The following PLXNA2 variants were observed in gnomAD, a reference collection of about 807,000 sequenced individuals.
PLXNA2 encodes plexin-A2.
PLXNA2 carries 91 observed loss-of-function variants against 193.5 expected under a neutral mutation model. The ratio of observed to expected loss-of-function variants is 0.47; its 90% CI spans 0.40 to 0.56. The LOEUF is 0.56. Among genes scored for constraint, PLXNA2 ranks in the 20% least tolerant of loss-of-function variants. The pLI, the probability that PLXNA2 is intolerant of heterozygous loss-of-function variation, is 0.00. For synonymous variants in PLXNA2, 997 were observed against 1,027.3 expected (o/e 0.97, Z 0.56); for missense variants, 1,995 against 2,503.2 (o/e 0.80, Z 4.33).
At chr1:208,035,993 C>T (rs1169757168) in intron 26 of PLXNA2, among the ~76,000 whole-genome samples, 1 of 152,182 alleles carries the variant, frequency 6.6e-6, no homozygotes, top group Admixed American at 6.5e-5. Context: ...CTCCAAGGAC[C>T]TTTGACTCCA....
chr1:208,098,125 A>T (rs879490237), intron 6 of PLXNA2, among the ~76,000 whole-genome samples: 1 of 152,010 alleles, frequency 6.6e-6, no homozygotes, highest in Non-Finnish European at 1.5e-5. Flanking sequence ...TCTCTGCCCC[A>T]GTTTCGTTTC....
chr1:208,052,369 C>T lies in PLXNA2; in HGVS notation c.2951G>A (p.Ser984Asn), dbSNP rs1665292562. 1 of 1,613,894 alleles carries T rather than the reference C, an allele frequency of 6.2e-7. No individual in the cohort carries two copies. Among genetic ancestry groups the T allele is most frequent in the South Asian group, 1.1e-5 (1 of 91,070 alleles). ...CTGGTTGCCCAGGTAGACTGCCACG[C>T]TGCTCCCAGCCCCAAGGTAATGGCC... Reference protein sequence around the residue: ...ITGHYLGAGSSVAVYLGNQTC... With the variant: ...ITGHYLGAGSNVAVYLGNQTC... Residue 984 changes from serine to asparagine, a missense_variant, in exon 15 of 32, where the codon AGC (serine) becomes AAC (asparagine). Around this residue, in one of 3 missense-constraint regions of PLXNA2, gnomAD observed 1,291 missense variants for 1,673.6 expected, o/e 0.77. Transcript: ENST00000367033.
chr1:208,095,859 G>A (rs1666867262), intron 8 of PLXNA2, among the ~76,000 whole-genome samples, 170 bp downstream of exon 8: 1 of 152,118 alleles, frequency 6.6e-6, no homozygotes, highest in South Asian at 2.1e-4. Flanking sequence ...GGTTTAATAT[G>A]GTAGTATTTA....
chr1:208,101,393 G>C (rs1473439658), intron 5 of PLXNA2, among the ~76,000 whole-genome samples: 2 of 152,174 alleles, frequency 1.3e-5, no homozygotes, highest in Non-Finnish European at 2.9e-5. Context: ...AGGAGGGTCT[G>C]GTGAAGAAGA....
intron 4 of PLXNA2, among the ~76,000 whole-genome samples, chr1:208,134,980 T>C (rs1369092755): frequency 6.6e-6 from 1 of 152,190 alleles, no homozygotes; most frequent in African/African-American, 2.4e-5. Context: ...AGGATTCTTA[T>C]TTTTGGTTCT....
At position 208,026,450 on chromosome 1, in the gene PLXNA2, G is replaced by A. The variant is rs141083071; in HGVS notation, c.*793C>T. On this transcript the variant is annotated 3_prime_UTR_variant, in exon 32 of 32. Transcript: ENST00000367033. ...TCTAGGTACACATCTCCTCTCAAAA[G>A]ATGAGAATATACAGGTGTGTGGTAG... The A allele has an allele frequency of 6.6e-6, 1 of 152,242 alleles. No homozygotes were observed. The highest frequency in any genetic ancestry group is 1.5e-5 in the Non-Finnish European group (1 of 68,052). The allele number at this position is 152,242 out of a possible 1,614,324, so 9.4% of individuals were successfully genotyped here.
At position 208,044,486 on chromosome 1, in the gene PLXNA2, A is replaced by G; in HGVS notation, c.3874+22T>C. ...AGGTGGAGAAAGAGGGACCCAGCAAATGAGGGTGTGCTTCCACTAACCTTC... is the reference window on the plus strand; with the variant it reads ...AGGTGGAGAAAGAGGGACCCAGCAAGTGAGGGTGTGCTTCCACTAACCTTC... On this transcript the variant is annotated intron_variant, in intron 20 of 31. Transcript: ENST00000367033. This position sits in a 1 kb window ranked among gnomAD's most constrained non-coding sequence, Gnocchi z 4.9. 6.5e-7 allele frequency: 1 copy of G among 1,546,322 alleles called. No individual in the cohort carries two copies. Among genetic ancestry groups the G allele is most frequent in the Non-Finnish European group, 8.9e-7 (1 of 1,118,404 alleles).
chr1:208,096,233 G>T, intron 7 of PLXNA2, 108 bp from the exon 8 acceptor site: 1 of 821,468 alleles, frequency 1.2e-6, no homozygotes, highest in Non-Finnish European at 2.0e-6. Flanking sequence ...GGCTCTCTTA[G>T]GATGTAGATA....
At position 208,217,717 on chromosome 1, in the gene PLXNA2, C is replaced by T. The variant is rs148604381; in HGVS notation, c.206G>A (p.Arg69Gln). ...CAGGTTGCCTGTCAGCTTATAGACC[C>T]GGTTGATGGCCCCCACATAGACGGC... The part of the protein sequence containing the change: ...TGAVYVGAIN[R>Q]VYKLTGNLTI... The change falls in exon 2 of 32, where the codon CGG becomes CAG. Residue 69 changes from arginine to glutamine, a missense_variant. Coordinates refer to ENST00000367033, the MANE Select transcript of PLXNA2 (RefSeq NM_025179.4). The surrounding 1 kb of genome is among the most constrained non-coding windows in gnomAD (Gnocchi z 4.7). 24 of 1,614,174 alleles carry T rather than the reference C, an allele frequency of 1.5e-5. No individual in the cohort carries two copies. Among genetic ancestry groups the T allele is most frequent in the South Asian group, 5.5e-5 (5 of 91,080 alleles).
chr1:208,162,051 T>C (rs1415415345), intron 3 of PLXNA2, among the ~76,000 whole-genome samples: 5 of 152,210 alleles, frequency 3.3e-5, no homozygotes, highest in African/African-American at 9.6e-5. Flanking sequence ...GGAGTCTCCA[T>C]TGAGGCCAAG....
intron 3 of PLXNA2, among the ~76,000 whole-genome samples, chr1:208,146,808 G>A (rs746137064): frequency 9.2e-5 from 14 of 152,178 alleles, no homozygotes; most frequent in Non-Finnish European, 1.9e-4. Flanking sequence ...ACTGGAGATG[G>A]GGCAAAGGAG....
chr1:208,161,134 G>A (rs1669094087), intron 3 of PLXNA2, among the ~76,000 whole-genome samples: 1 of 152,216 alleles, frequency 6.6e-6, no homozygotes, highest in South Asian at 2.1e-4. Flanking sequence ...CCTTATCAGG[G>A]TTGATTAGTT....
At position 208,238,775 on chromosome 1, in the gene PLXNA2, G is replaced by C. The variant is rs150862003; in HGVS notation, c.-81+4868C>G. ...GGAGCAGTTTTGCTACTACCTGAGAGTCTCAAAAATCTGTATTTAGGGAGT... is the reference window on the plus strand; with the variant it reads ...GGAGCAGTTTTGCTACTACCTGAGACTCTCAAAAATCTGTATTTAGGGAGT... On this transcript the variant is annotated intron_variant, in intron 1 of 31. Coordinates refer to ENST00000367033, the MANE Select transcript of PLXNA2 (RefSeq NM_025179.4). Among the ~76,000 whole-genome samples, 17 of 152,366 alleles carry C rather than the reference G, an allele frequency of 1.1e-4. No individual in the cohort carries two copies. The East Asian group carries it at 3.3e-3, about 29-fold the overall frequency.
At chr1:208,064,769 G>A (rs1665734504) in intron 12 of PLXNA2, among the ~76,000 whole-genome samples, 1 of 152,162 alleles carries the variant, frequency 6.6e-6, no homozygotes, top group Admixed American at 6.5e-5. Context: ...TGGCCAGGGA[G>A]GGGAGGCTTG....
rs944286071 is a variant in PLXNA2 at position 208,095,803 on chromosome 1, G to A, written c.1982+226C>T. Among the ~76,000 whole-genome samples the A allele has an allele frequency of 2.0e-5, 3 of 152,086 alleles. No individual in the cohort carries two copies. In the East Asian group the frequency reaches 5.8e-4, roughly 29 times the overall value. On this transcript the variant is annotated intron_variant, in intron 8 of 31. Coordinates refer to ENST00000367033, the MANE Select transcript of PLXNA2 (RefSeq NM_025179.4). ...TGAGAGTTGGGGGTTAGGTGTGTTG[G>A]GGTGGCATCCAAGGATTCAGAGACT... is the stretch of plus-strand genomic sequence containing the variant.
chr1:208,109,167 C>T (rs757289295), intron 4 of PLXNA2, among the ~76,000 whole-genome samples: 14 of 152,288 alleles, frequency 9.2e-5, no homozygotes, highest in Non-Finnish European at 1.0e-4. Context: ...CACAGATGCC[C>T]GAATGGAGCA....
chr1:208,056,644 G>C (rs1665440319), intron 13 of PLXNA2, among the ~76,000 whole-genome samples: 1 of 152,204 alleles, frequency 6.6e-6, no homozygotes, highest in Non-Finnish European at 1.5e-5. Flanking sequence ...GCACCTAGGA[G>C]AAGAGTGATG....
chr1:208,221,812 G>A (rs1035316852), intron 1 of PLXNA2, among the ~76,000 whole-genome samples: 2 of 152,172 alleles, frequency 1.3e-5, no homozygotes, highest in East Asian at 1.9e-4. Flanking sequence ...GAGGCAGTGC[G>A]ATATAACAAT....
chr1:208,050,502 C>T (rs1239873477), intron 17 of PLXNA2, among the ~76,000 whole-genome samples: 1 of 152,236 alleles, frequency 6.6e-6, no homozygotes, highest in Admixed American at 6.5e-5. Context: ...CACTATATCA[C>T]CTTCTGACAA....
Sources: gnomAD v4.1 joint callset for allele counts (sites outside exome capture counted in the v4.1 genomes callset) on GRCh38, gnomAD v4.1.1 for gene constraint, gnomAD v4.1.1 regional missense constraint, Gnocchi (gnomAD v3.1) non-coding constraint, MANE v1.5 for transcripts, NCBI Gene and HGNC (gene_info 2026-07-23, HGNC 2026-07-21) for gene names.